Variants in PTPRD observed in about 807,000 individuals in gnomAD.
PTPRD encodes the protein protein tyrosine phosphatase receptor type D.
PTPRD carries 34 observed loss-of-function variants against 214.5 expected under a neutral mutation model. That is an observed-to-expected ratio of 0.16 (90% CI 0.12 to 0.21). The LOEUF is 0.21. Among genes scored for constraint, PTPRD ranks in the 10% least tolerant of loss-of-function variants. The pLI is 1.00. For synonymous variants in PTPRD, 1,128 were observed against 845.7 expected (o/e 1.33, Z -5.79); for missense variants, 2,545 against 2,398.7 (o/e 1.06, Z -1.27).
chr9:9,181,563 T>G (rs1451877103), intron 10 of PTPRD, among the ~76,000 whole-genome samples: 1 of 152,022 alleles, frequency 6.6e-6, no homozygotes, highest in African/African-American at 2.4e-5. Flanking sequence ...AGCTTTCATA[T>G]ATGAACTCAT....
At chr9:8,632,828 A>AT (rs772020826) in intron 14 of PTPRD, among the ~76,000 whole-genome samples, 6 of 151,728 alleles carry the variant, frequency 4.0e-5, no homozygotes, top group South Asian at 2.1e-4. Context: ...TAAAAAATGT[A>AT]TTTTTTTTCA....
chr9:9,239,009 C>G (rs1259414256), intron 9 of PTPRD, among the ~76,000 whole-genome samples: 2 of 152,150 alleles, frequency 1.3e-5, no homozygotes, highest in African/African-American at 4.8e-5. Context: ...AGCCCACAGC[C>G]TCCACAAGAT....
chr9:9,361,044 A>C (rs1025463474), intron 9 of PTPRD, among the ~76,000 whole-genome samples: 1 of 151,144 alleles, frequency 6.6e-6, no homozygotes, highest in African/African-American at 2.4e-5. Context: ...TGAGGTTCTC[A>C]ATATATTGCA....
At chr9:9,122,777 G>A (rs2154465246) in intron 10 of PTPRD, among the ~76,000 whole-genome samples, 1 of 152,292 alleles carries the variant, frequency 6.6e-6, no homozygotes, top group East Asian at 1.9e-4. Context: ...GTTTATGCCA[G>A]TGCATGGAGT....
intron 39 of PTPRD, among the ~76,000 whole-genome samples, chr9:8,369,191 T>A (rs1218165028): frequency 6.6e-6 from 1 of 152,156 alleles, no homozygotes; most frequent in Non-Finnish European, 1.5e-5. Context: ...GAATGAATGG[T>A]TAAAAATGTA....
At chr9:9,500,709 G>C (rs546022045) in intron 8 of PTPRD, among the ~76,000 whole-genome samples, 1 of 152,172 alleles carries the variant, frequency 6.6e-6, no homozygotes, top group South Asian at 2.1e-4. Flanking sequence ...GAAGACTGGA[G>C]ATAATAAATA....
chr9:10,166,779 G>C (rs780202170), intron 3 of PTPRD, among the ~76,000 whole-genome samples: 1 of 152,044 alleles, frequency 6.6e-6, no homozygotes, highest in African/African-American at 2.4e-5. Context: ...AGATGATAAG[G>C]CATCAAGTTT....
At chr9:8,374,726 T>C (rs545775867) in intron 39 of PTPRD, among the ~76,000 whole-genome samples, 72 of 152,126 alleles carry the variant, frequency 4.7e-4, no homozygotes, top group African/African-American at 1.3e-3. Flanking sequence ...TAAAATACTC[T>C]CCATAAATAC....
At chr9:9,229,993 A>G (rs2099962063) in intron 9 of PTPRD, among the ~76,000 whole-genome samples, 1 of 152,140 alleles carries the variant, frequency 6.6e-6, no homozygotes, top group Non-Finnish European at 1.5e-5. Flanking sequence ...CTTGTAATGA[A>G]AATCTAATTA....
chr9:9,304,840 G>A (rs1300856763), intron 9 of PTPRD, among the ~76,000 whole-genome samples: 1 of 150,536 alleles, frequency 6.6e-6, no homozygotes, highest in Non-Finnish European at 1.5e-5. Flanking sequence ...ACCCTCCAAC[G>A]TTCTTGGTGT....
intron 10 of PTPRD, among the ~76,000 whole-genome samples, chr9:9,075,928 T>G (rs570525868): frequency 9.1e-4 from 139 of 152,300 alleles, no homozygotes; most frequent in African/African-American, 3.3e-3. Context: ...ATATACCCAG[T>G]AATGGGATGG....
chr9:8,529,455 C>T (rs764142431), intron 14 of PTPRD, among the ~76,000 whole-genome samples: 27 of 152,208 alleles, frequency 1.8e-4, no homozygotes, highest in Non-Finnish European at 3.1e-4. Flanking sequence ...ATTAATGGCA[C>T]AAAAACACAT....
chr9:8,559,996 C>G (rs59259113), intron 14 of PTPRD, among the ~76,000 whole-genome samples: 3,728 of 152,222 alleles, frequency 0.024, 139 homozygotes, highest in African/African-American at 0.074. Context: ...TCAACTGTAT[C>G]ATTAAGAGGA....
intron 10 of PTPRD, among the ~76,000 whole-genome samples, chr9:9,121,098 T>C (rs1296259560): frequency 6.6e-6 from 1 of 152,200 alleles, no homozygotes; most frequent in African/African-American, 2.4e-5. Flanking sequence ...CAAATACTTA[T>C]TGAAAGTCAG....
chr9:8,570,969 T>A (rs545669282), intron 14 of PTPRD, among the ~76,000 whole-genome samples: 1 of 151,796 alleles, frequency 6.6e-6, no homozygotes, highest in Admixed American at 6.6e-5. Flanking sequence ...ACTTAAACAC[T>A]CTTGAAGCAT....
intron 4 of PTPRD, among the ~76,000 whole-genome samples, chr9:9,973,737 T>C (rs1019686196): frequency 5.9e-5 from 9 of 152,186 alleles, no homozygotes; most frequent in African/African-American, 1.9e-4. Flanking sequence ...AAAGGATATA[T>C]TGGTGTGAAA....
intron 11 of PTPRD, among the ~76,000 whole-genome samples, chr9:8,974,522 C>T (rs1230699804): frequency 1.3e-5 from 2 of 151,928 alleles, no homozygotes; most frequent in African/African-American, 4.8e-5. Context: ...AGGATATGCT[C>T]CTTTTAATGT....
chr9:9,919,956 TTTTCTG>T (rs1429915679), intron 5 of PTPRD, among the ~76,000 whole-genome samples: 2 of 152,192 alleles, frequency 1.3e-5, no homozygotes, highest in Non-Finnish European at 2.9e-5. Context: ...ACCTATACGC[TTTTCTG>T]TTTCTATCTT....
chr9:10,508,771 A>G (rs1174247341), intron 2 of PTPRD, among the ~76,000 whole-genome samples: 1 of 152,060 alleles, frequency 6.6e-6, no homozygotes, highest in Non-Finnish European at 1.5e-5. Context: ...AGGAAGGGGA[A>G]CATCACACAC....
Sources: allele counts gnomAD v4.1 joint callset (sites outside exome capture counted in the v4.1 genomes callset), GRCh38; gene constraint gnomAD v4.1.1; transcripts MANE v1.5; gene names NCBI Gene and HGNC (gene_info 2026-07-23, HGNC 2026-07-21).